NAV3: variants seen among roughly 807,000 people sequenced by gnomAD.
The protein encoded by NAV3 is neuron navigator 3, also known as pore membrane and/or filament interacting like protein 1.
In NAV3, 87 loss-of-function variants were observed where a neutral mutation model predicts 244.7. That is an observed-to-expected ratio of 0.36 (90% CI 0.30 to 0.42). The LOEUF is 0.42. Among genes scored for constraint, NAV3 ranks in the 20% least tolerant of loss-of-function variants. The pLI is 1.00. For synonymous variants in NAV3, 1,126 were observed against 1,042.2 expected (o/e 1.08, Z -1.55); for missense variants, 2,663 against 2,893.3 (o/e 0.92, Z 1.83).
intron 2 of NAV3, among the ~76,000 whole-genome samples, chr12:77,577,963 A>AT (rs1869170424): frequency 6.6e-6 from 1 of 152,114 alleles, no homozygotes; most frequent in Non-Finnish European, 1.5e-5. Flanking sequence ...GTGGATAAAA[A>AT]TTTTTGTGGT....
chr12:77,818,731 T>C (rs1247459402), intron 2 of NAV3, among the ~76,000 whole-genome samples: 1 of 152,082 alleles, frequency 6.6e-6, no homozygotes, highest in Non-Finnish European at 1.5e-5. Context: ...AAATTACCGC[T>C]CATCGTTCAC....
At chr12:77,757,710 ACT>A (rs1451580274) in intron 2 of NAV3, among the ~76,000 whole-genome samples, 1 of 152,198 alleles carries the variant, frequency 6.6e-6, no homozygotes, top group South Asian at 2.1e-4. Flanking sequence ...TGGGATTCTA[ACT>A]CTGTGATTTA....
At chr12:77,714,899 T>A (rs1876292095) in intron 2 of NAV3, among the ~76,000 whole-genome samples, 1 of 152,104 alleles carries the variant, frequency 6.6e-6, no homozygotes, top group Admixed American at 6.5e-5. Context: ...TAAAAATACA[T>A]AACATAATTT....
chr12:77,771,308 T>C (rs1250752501), intron 2 of NAV3, among the ~76,000 whole-genome samples: 3 of 152,206 alleles, frequency 2.0e-5, no homozygotes, highest in Admixed American at 6.5e-5. Flanking sequence ...ACTTTTACAC[T>C]GTTGGTGGGA....
At chr12:77,575,696 G>A (rs1869048628) in intron 2 of NAV3, among the ~76,000 whole-genome samples, 1 of 152,112 alleles carries the variant, frequency 6.6e-6, no homozygotes, top group Non-Finnish European at 1.5e-5. Flanking sequence ...GAAAAGCAGA[G>A]CATGGTAAAT....
chr12:77,672,607 A>G (rs186710325), intron 2 of NAV3, among the ~76,000 whole-genome samples: 6 of 152,062 alleles, frequency 3.9e-5, no homozygotes, highest in African/African-American at 9.6e-5. Flanking sequence ...ACACATATAC[A>G]TATGTATGTA....
Position 78,113,972 on chromosome 12 carries a change from C to T in NAV3, c.2637-2800C>T, listed in dbSNP as rs537406738. Among the ~76,000 whole-genome samples the T allele has an allele frequency of 1.1e-3, 163 of 152,284 alleles. 1 individual carries two copies. The highest frequency in any genetic ancestry group is 1.5e-3 in the Non-Finnish European group (104 of 68,026). ...CCCAAATCATATCTTGAACACTTTGCTTCTCAGAAATATCTTCTACCAGAT... is the reference window on the plus strand; with the variant it reads ...CCCAAATCATATCTTGAACACTTTGTTTCTCAGAAATATCTTCTACCAGAT... On this transcript the variant is annotated intron_variant, in intron 12 of 39. Transcript: ENST00000397909.
At chr12:78,176,504 C>A in intron 26 of NAV3, 45 bp downstream of exon 26, 1 of 1,603,592 alleles carries the variant, frequency 6.2e-7, no homozygotes, top group Non-Finnish European at 8.5e-7. Context: ...TATAAAAAAA[C>A]CCTACCTTGG....
chr12:78,121,497 A>G (rs1329113338), intron 15 of NAV3, among the ~76,000 whole-genome samples: 1 of 145,638 alleles, frequency 6.9e-6, no homozygotes, highest in Non-Finnish European at 1.5e-5. Context: ...GATTTTGAAT[A>G]AACTGTTTAA....
At chr12:77,721,587 T>TA (rs531912647) in intron 2 of NAV3, among the ~76,000 whole-genome samples, 122 of 152,242 alleles carry the variant, frequency 8.0e-4, no homozygotes, top group African/African-American at 2.8e-3. Context: ...ACATGAAATA[T>TA]AATCAAAGGT....
Position 77,725,610 on chromosome 12 carries a change from G to T in NAV3, c.72+153344G>T, listed in dbSNP as rs148177125. ...AGTGGTAGTTGTAGAGAGCTTGCTC[G>T]CAAACCATTCAAAATTTGGAAAGGA... is the stretch of plus-strand genomic sequence containing the variant. On this transcript the variant is annotated intron_variant, in intron 2 of 8. Coordinates refer to the NAV3 transcript ENST00000550042. Among the ~76,000 whole-genome samples the T allele has an allele frequency of 2.4e-3, 364 of 151,186 alleles. 4 individuals are homozygous for T. Among genetic ancestry groups the T allele is most frequent in the African/African-American group, 8.4e-3 (347 of 41,226 alleles).
intron 7 of NAV3, among the ~76,000 whole-genome samples, chr12:78,001,966 C>T (rs552913984): frequency 6.6e-6 from 1 of 152,284 alleles, no homozygotes; most frequent in Non-Finnish European, 1.5e-5. Context: ...TGCCCAGAAC[C>T]ATATGAGAGT....
At position 78,050,731 on chromosome 12, in the gene NAV3, A is replaced by G. The variant is rs199665854; in HGVS notation, c.2133-33A>G. The G allele has an allele frequency of 1.5e-5, 24 of 1,552,594 alleles. No homozygotes were observed. The Admixed American group carries it at 4.4e-4, about 28-fold the overall frequency. On this transcript the variant is annotated intron_variant, in intron 10 of 39. Coordinates refer to ENST00000397909, the MANE Select transcript of NAV3 (RefSeq NM_001024383.2). ...TCTAGATTATGGCCCTAAGTGAACC[A>G]GAGTATAGTTATTTCTCCATTTTAT...
chr12:77,671,401 A>G (rs1201437947), intron 2 of NAV3, among the ~76,000 whole-genome samples: 26 of 152,128 alleles, frequency 1.7e-4, no homozygotes, highest in Admixed American at 1.7e-3. Context: ...TTAAGAAACT[A>G]GAAAAAAATG....
chr12:77,805,714 T>C (rs1444605173), intron 2 of NAV3, among the ~76,000 whole-genome samples: 1 of 152,202 alleles, frequency 6.6e-6, no homozygotes. Context: ...TCTTTTTCTA[T>C]TGATTGGAAT....
In NAV3 at chr12:77,645,811, G is replaced by T. The variant is rs560719266; in HGVS notation, c.72+73545G>T. Among the ~76,000 whole-genome samples, 15 of 152,134 alleles carry T rather than the reference G, an allele frequency of 9.9e-5. No individual in the cohort carries two copies. The South Asian group carries it at 3.1e-3, about 32-fold the overall frequency. ...AACCAGCTAATGTTTCCAAGAGAGG[G>T]TTGTACCTTAAGGGAAAGCTCAGTT... On this transcript the variant is annotated intron_variant, in intron 2 of 8. Transcript: ENST00000550042.
chr12:77,629,146 C>CTT (rs1871773740), intron 2 of NAV3, among the ~76,000 whole-genome samples: 1 of 151,972 alleles, frequency 6.6e-6, no homozygotes, highest in Non-Finnish European at 1.5e-5. Context: ...GGCATGAAAG[C>CTT]AATAAAGTTG....
intron 17 of NAV3, among the ~76,000 whole-genome samples, chr12:78,128,267 T>TAAAA (rs33971273): frequency 0.02 from 2,800 of 142,486 alleles, 37 homozygotes; most frequent in Non-Finnish European, 0.031. Context: ...GTTTTTCCTT[T>TAAAA]AAAAAAAAAA....
At chr12:78,016,042 A>T (rs1202639361) in intron 8 of NAV3, among the ~76,000 whole-genome samples, 1 of 152,100 alleles carries the variant, frequency 6.6e-6, no homozygotes, top group African/African-American at 2.4e-5. Context: ...TCTCCTTTCC[A>T]ACTGCCCTAT....
Sources: gnomAD v4.1 joint callset for allele counts (sites outside exome capture counted in the v4.1 genomes callset) on GRCh38, gnomAD v4.1.1 for gene constraint, MANE v1.5 for transcripts, NCBI Gene and HGNC (gene_info 2026-07-23, HGNC 2026-07-21) for gene names.